The following HMGCLL1 variants were observed in gnomAD, a reference collection of about 807,000 sequenced individuals.
HMGCLL1 encodes the protein 3-hydroxymethyl-3-methylglutaryl-CoA lyase, cytoplasmic.
HMGCLL1 carries 36 observed loss-of-function variants against 39.1 expected under a neutral mutation model. The observed-to-expected ratio is 0.92, with a 90% CI of 0.71 to 1.22. The LOEUF (loss-of-function observed/expected upper bound fraction) is 1.22, where lower values mean the gene tolerates loss of function less well. HMGCLL1 is among the 50% of genes most tolerant of loss of function. HMGCLL1 has a pLI of 0.00. For missense variants in HMGCLL1, 451 were observed against 416.5 expected (o/e 1.08, Z -0.72); for synonymous variants, 149 against 144.0 (o/e 1.03, Z -0.25).
chr6:55,450,016 T>C (rs748691913), intron 7 of HMGCLL1, among the ~76,000 whole-genome samples: 1 of 152,200 alleles, frequency 6.6e-6, no homozygotes, highest in Non-Finnish European at 1.5e-5. Flanking sequence ...CTGAGTTCCC[T>C]GAAGGAACTT....
At chr6:55,558,441 G>A (rs1770778539) in intron 1 of HMGCLL1, among the ~76,000 whole-genome samples, 2 of 152,004 alleles carry the variant, frequency 1.3e-5, no homozygotes, top group African/African-American at 4.8e-5. Context: ...GTCCTTGTTA[G>A]GACCATAAAT....
chr6:55,504,736 T>C (rs1020980935), intron 5 of HMGCLL1, among the ~76,000 whole-genome samples: 1 of 151,662 alleles, frequency 6.6e-6, no homozygotes, highest in Non-Finnish European at 1.5e-5. Flanking sequence ...CCCATGGATA[T>C]TGAGGGCCTA....
At chr6:55,606,206 T>TA in the HMGCLL1 span, among the ~76,000 whole-genome samples, 2 of 152,244 alleles carry the variant, frequency 1.3e-5, no homozygotes, top group South Asian at 2.1e-4. Context: ...CACCTTCCGA[T>TA]AAAAAAATTT....
chr6:55,551,141 A>G (rs1770307365), intron 1 of HMGCLL1, among the ~76,000 whole-genome samples: 1 of 151,896 alleles, frequency 6.6e-6, no homozygotes, highest in African/African-American at 2.4e-5. Context: ...AGTAATTCAT[A>G]TAATCTTTCC....
chr6:55,572,409 T>G (rs1771546491), intron 1 of HMGCLL1, among the ~76,000 whole-genome samples: 1 of 152,124 alleles, frequency 6.6e-6, no homozygotes, highest in Admixed American at 6.6e-5. Flanking sequence ...TGAAGTATAT[T>G]ACACATAAAG....
the HMGCLL1 span, among the ~76,000 whole-genome samples, chr6:55,597,331 A>G: frequency 6.6e-6 from 1 of 152,100 alleles, no homozygotes; most frequent in Non-Finnish European, 1.5e-5. Context: ...TCATCATAAG[A>G]GTGCTAAAGC....
At chr6:55,640,340 A>G in the HMGCLL1 span, among the ~76,000 whole-genome samples, 1 of 152,300 alleles carries the variant, frequency 6.6e-6, no homozygotes, top group East Asian at 1.9e-4. Context: ...AATTATGCCC[A>G]AAACTAAAAG....
intron 7 of HMGCLL1, among the ~76,000 whole-genome samples, chr6:55,480,077 G>C (rs1045162571): frequency 1.3e-5 from 2 of 151,500 alleles, no homozygotes; most frequent in African/African-American, 4.9e-5. Flanking sequence ...TGTCTTCCTT[G>C]AGTAATACCC....
chr6:55,575,168 G>T (rs1409457884), intron 1 of HMGCLL1, among the ~76,000 whole-genome samples: 1 of 151,892 alleles, frequency 6.6e-6, no homozygotes, highest in Non-Finnish European at 1.5e-5. Flanking sequence ...GACAACTACA[G>T]AAAATAAAAC....
intron 7 of HMGCLL1, among the ~76,000 whole-genome samples, chr6:55,471,681 TC>T (rs149683512): frequency 0.013 from 1,951 of 151,314 alleles, 36 homozygotes; most frequent in African/African-American, 0.043. Flanking sequence ...TATATTTTTT[TC>T]TTTTTTTAAA....
At chr6:55,474,579 A>C (rs1303960624) in intron 7 of HMGCLL1, among the ~76,000 whole-genome samples, 6 of 151,562 alleles carry the variant, frequency 4.0e-5, no homozygotes, top group African/African-American at 1.5e-4. Flanking sequence ...GTTAATTTGA[A>C]TTCCCTGTCT....
At chr6:55,479,488 T>C (rs1046841707) in intron 7 of HMGCLL1, among the ~76,000 whole-genome samples, 1 of 151,614 alleles carries the variant, frequency 6.6e-6, no homozygotes, top group African/African-American at 2.4e-5. Context: ...TGAATCACTT[T>C]CACAGAGCAA....
chr6:55,457,822 A>C (rs1764390359), intron 7 of HMGCLL1, among the ~76,000 whole-genome samples: 1 of 152,180 alleles, frequency 6.6e-6, no homozygotes. Context: ...GATTTTTATT[A>C]ACCCACCTTG....
the HMGCLL1 span, among the ~76,000 whole-genome samples, chr6:55,670,650 A>AGTTT: frequency 4.1e-4 from 62 of 151,766 alleles, no homozygotes; most frequent in Admixed American, 4.1e-3. Context: ...GACTGTTAAT[A>AGTTT]GTTTAGTATG....
chr6:55,671,206 C>T, the HMGCLL1 span, among the ~76,000 whole-genome samples: 4,468 of 151,790 alleles, frequency 0.029, 233 homozygotes, highest in African/African-American at 0.1. Flanking sequence ...GAATATGTTA[C>T]GTTTCTTGGT....
chr6:55,630,002 A>G, the HMGCLL1 span, among the ~76,000 whole-genome samples: 1 of 152,130 alleles, frequency 6.6e-6, no homozygotes, highest in Non-Finnish European at 1.5e-5. Context: ...CAGTGTCCCT[A>G]TTGGGGCACC....
At chr6:55,661,711 T>A in the HMGCLL1 span, among the ~76,000 whole-genome samples, 3 of 151,896 alleles carry the variant, frequency 2.0e-5, no homozygotes, top group African/African-American at 7.2e-5. Flanking sequence ...TTTGGTTTCA[T>A]ATAAATTTTT....
At chr6:55,487,595 C>A (rs1394431333) in intron 7 of HMGCLL1, among the ~76,000 whole-genome samples, 1 of 151,986 alleles carries the variant, frequency 6.6e-6, no homozygotes, top group Admixed American at 6.6e-5. Context: ...TGGTTTCCAG[C>A]TTCATCCATG....
chr6:55,627,049 GAAAAAAAAAAAAA>G, the HMGCLL1 span, among the ~76,000 whole-genome samples: 1 of 85,810 alleles, frequency 1.2e-5, no homozygotes, highest in African/African-American at 4.6e-5. Flanking sequence ...CACTCCACCA[GAAAAAAAAAAAAA>G]AAAAAAAAAA....
Sources: gnomAD v4.1 joint callset for allele counts (sites outside exome capture counted in the v4.1 genomes callset) on GRCh38, gnomAD v4.1.1 for gene constraint, MANE v1.5 for transcripts, NCBI Gene and HGNC (gene_info 2026-07-23, HGNC 2026-07-21) for gene names.